TFB1M: variants seen among roughly 807,000 people sequenced by gnomAD.
The protein encoded by TFB1M is transcription factor B1, mitochondrial.
TFB1M carries 27 observed loss-of-function variants against 31.1 expected under a neutral mutation model. That is an observed-to-expected ratio of 0.87 (90% CI 0.64 to 1.20). TFB1M has a LOEUF of 1.20. Among genes scored for constraint, TFB1M ranks in the 50% most tolerant of loss-of-function variants. TFB1M has a pLI of 0.00. For missense variants in TFB1M, 394 were observed against 418.7 expected (o/e 0.94, Z 0.51); for synonymous variants, 166 against 151.8 (o/e 1.09, Z -0.69).
intron 2 of TFB1M, among the ~76,000 whole-genome samples, chr6:155,307,365 TCA>T (rs1402058816): frequency 6.6e-6 from 1 of 152,080 alleles, no homozygotes; most frequent in Non-Finnish European, 1.5e-5. Flanking sequence ...GGGGGAGGCC[TCA>T]CAATCATGAC....
the TFB1M span, chr6:155,248,200 C>T: frequency 6.2e-7 from 1 of 1,608,410 alleles, no homozygotes; most frequent in South Asian, 1.1e-5. Context: ...GGCGGCACCT[C>T]CGGGCGAGGG....
chr6:155,254,411 C>A (rs148014772), downstream of TFB1M: 33 of 1,610,178 alleles, frequency 2.0e-5, no homozygotes, highest in Admixed American at 8.3e-5. Context: ...CTCTCCCCCC[C>A]CACCCAGTGA....
chr6:155,300,787 G>T (rs1777391166), intron 2 of TFB1M, among the ~76,000 whole-genome samples: 1 of 151,680 alleles, frequency 6.6e-6, no homozygotes, highest in East Asian at 1.9e-4. Context: ...CCTTTCCTGG[G>T]TTTTCTTTTT....
intron 5 of TFB1M, among the ~76,000 whole-genome samples, chr6:155,271,884 G>A (rs1784935472): frequency 6.6e-6 from 1 of 152,000 alleles, no homozygotes; most frequent in Admixed American, 6.5e-5. Flanking sequence ...TAGCTTTCAG[G>A]TTTCAACAAA....
intron 4 of TFB1M, among the ~76,000 whole-genome samples, chr6:155,291,008 C>G (rs907542941): frequency 6.6e-6 from 1 of 152,120 alleles, no homozygotes; most frequent in Non-Finnish European, 1.5e-5. Flanking sequence ...ACCCATTACT[C>G]AAGTGTAGGT....
chr6:155,239,547 C>CGG, the TFB1M span, among the ~76,000 whole-genome samples: 1 of 152,244 alleles, frequency 6.6e-6, no homozygotes, highest in South Asian at 2.1e-4. Context: ...GTGAGGCTTT[C>CGG]CAGCCAAAGT....
chr6:155,296,744 T>G (rs1261224239), intron 4 of TFB1M, among the ~76,000 whole-genome samples: 1 of 152,220 alleles, frequency 6.6e-6, no homozygotes, highest in East Asian at 1.9e-4. Flanking sequence ...TTGGCTAACA[T>G]ACATCATTCA....
At chr6:155,237,042 C>G in the TFB1M span, among the ~76,000 whole-genome samples, 1 of 152,228 alleles carries the variant, frequency 6.6e-6, no homozygotes, top group East Asian at 1.9e-4. Context: ...AAAATCTCAT[C>G]CCAGAGAAGG....
At chr6:155,251,993 A>G (rs1395780315), downstream of TFB1M, 1 of 1,605,334 alleles carries the variant, frequency 6.2e-7, no homozygotes, top group Admixed American at 1.7e-5. Context: ...TGCAAACTGA[A>G]AAAGAAATTG....
chr6:155,304,787 C>T (rs528025384), intron 2 of TFB1M, among the ~76,000 whole-genome samples: 53 of 151,804 alleles, frequency 3.5e-4, no homozygotes, highest in African/African-American at 1.3e-3. Flanking sequence ...CAATATTTTC[C>T]AAAAATGAAG....
intron 4 of TFB1M, among the ~76,000 whole-genome samples, chr6:155,286,503 ATATATATGTG>A (rs1562407578): frequency 7.1e-6 from 1 of 140,524 alleles, no homozygotes; most frequent in Non-Finnish European, 1.5e-5. Context: ...ATATGTGTGT[ATATATATGTG>A]TGTATATATA....
chr6:155,240,451 A>G, the TFB1M span: 1 of 1,459,236 alleles, frequency 6.9e-7, no homozygotes. Flanking sequence ...ACAGACGGAG[A>G]CACTTGGTGC....
downstream of TFB1M, among the ~76,000 whole-genome samples, chr6:155,251,645 G>A (rs896140274): frequency 6.6e-6 from 1 of 152,176 alleles, no homozygotes. Context: ...TGAGAGTTGG[G>A]AGAACAAGTG....
chr6:155,289,463 C>T (rs1776806837), intron 4 of TFB1M, among the ~76,000 whole-genome samples: 1 of 152,142 alleles, frequency 6.6e-6, no homozygotes, highest in East Asian at 1.9e-4. Context: ...GGGATTAGTT[C>T]TCACTTACTG....
At chr6:155,287,375 G>GA (rs1776709821) in intron 4 of TFB1M, among the ~76,000 whole-genome samples, 2 of 151,392 alleles carry the variant, frequency 1.3e-5, no homozygotes, top group Non-Finnish European at 2.9e-5. Flanking sequence ...GTCAAGAAAT[G>GA]AAAAAAATAA....
intron 5 of TFB1M, among the ~76,000 whole-genome samples, chr6:155,267,096 T>C (rs1784687061): frequency 6.6e-6 from 1 of 150,776 alleles, no homozygotes; most frequent in South Asian, 2.1e-4. Context: ...TGTCTCAGCC[T>C]CCTGAGTAGC....
the TFB1M span, among the ~76,000 whole-genome samples, chr6:155,236,174 T>C: frequency 6.6e-6 from 1 of 151,904 alleles, no homozygotes; most frequent in South Asian, 2.1e-4. Flanking sequence ...ACCAGAGTCA[T>C]GGCTGTGATT....
At chr6:155,300,792 CTTTTTTGTTTTTG>C (rs1425749996) in intron 2 of TFB1M, among the ~76,000 whole-genome samples, 3 of 151,684 alleles carry the variant, frequency 2.0e-5, no homozygotes, top group Non-Finnish European at 2.9e-5. Context: ...CCTGGGTTTT[CTTTTTTGTTTTTG>C]TTTTTTGTTT....
At chr6:155,254,171 T>C, downstream of TFB1M, 7 of 1,209,960 alleles carry the variant, frequency 5.8e-6, no homozygotes, top group South Asian at 1.1e-4. Flanking sequence ...AGGGTCATAC[T>C]CCCCACCCTC....
Sources: gnomAD v4.1 joint callset for allele counts (sites outside exome capture counted in the v4.1 genomes callset) on GRCh38, gnomAD v4.1.1 for gene constraint, MANE v1.5 for transcripts, NCBI Gene and HGNC (gene_info 2026-07-23, HGNC 2026-07-21) for gene names.